KATNIP: variants seen among roughly 807,000 people sequenced by gnomAD.
KATNIP encodes katanin interacting protein.
A neutral mutation model predicts 174.0 loss-of-function variants in KATNIP; 126 were observed. That is an observed-to-expected ratio of 0.72 (90% confidence interval 0.63 to 0.84). The LOEUF (loss-of-function observed/expected upper bound fraction) is 0.84. Among genes scored for constraint, KATNIP ranks in the 40% least tolerant of loss-of-function variants. The pLI, the probability that KATNIP is intolerant of heterozygous loss-of-function variation, is 0.00. For synonymous variants in KATNIP, 810 were observed against 835.7 expected (o/e 0.97, Z 0.53); for missense variants, 1,958 against 2,109.7 (o/e 0.93, Z 1.41).
chr16:27,715,152 A>G (rs2079872995), intron 13 of KATNIP, among the ~76,000 whole-genome samples: 1 of 152,262 alleles, frequency 6.6e-6, no homozygotes, highest in Non-Finnish European at 1.5e-5. Context: ...TTTATAGTCA[A>G]TTGATTCCAA....
chr16:27,584,274 G>A (rs1021816737), intron 2 of KATNIP, among the ~76,000 whole-genome samples: 3 of 151,866 alleles, frequency 2.0e-5, no homozygotes, highest in Admixed American at 6.6e-5. Flanking sequence ...CTTCAGCCAC[G>A]GCCCCAGATA....
At chr16:27,730,736 C>A (rs140372415) in intron 14 of KATNIP, among the ~76,000 whole-genome samples, 1 of 152,242 alleles carries the variant, frequency 6.6e-6, no homozygotes, top group Admixed American at 6.5e-5. Flanking sequence ...TGACACCCTT[C>A]CTGGCATCAA....
chr16:27,647,977 A>T (rs2077007227), intron 5 of KATNIP, among the ~76,000 whole-genome samples: 1 of 152,072 alleles, frequency 6.6e-6, no homozygotes, highest in South Asian at 2.1e-4. Context: ...GAAGTTTAGC[A>T]CCTACTAGAA....
chr16:27,691,850 C>T (rs935683916), intron 8 of KATNIP, among the ~76,000 whole-genome samples: 2 of 152,204 alleles, frequency 1.3e-5, no homozygotes, highest in African/African-American at 4.8e-5. Flanking sequence ...AAACTGGTCT[C>T]TACTGGAGAA....
At chr16:27,682,916 C>T (rs1409486476) in intron 8 of KATNIP, among the ~76,000 whole-genome samples, 1 of 152,120 alleles carries the variant, frequency 6.6e-6, no homozygotes, top group Admixed American at 6.6e-5. Context: ...CCTGAGCTAG[C>T]ACACTCATCC....
At chr16:27,706,488 T>C (rs1235066958) in intron 12 of KATNIP, among the ~76,000 whole-genome samples, 1 of 152,038 alleles carries the variant, frequency 6.6e-6, no homozygotes, top group Non-Finnish European at 1.5e-5. Context: ...AATCAAGTGG[T>C]CTCAGCAAGA....
chr16:27,687,274 A>G (rs965441038), intron 8 of KATNIP: 4 of 151,804 alleles, frequency 2.6e-5, no homozygotes, highest in Non-Finnish European at 4.4e-5. Context: ...AGCCCTGTTC[A>G]TTCTCCATGC....
rs1266112283 is a variant in KATNIP at position 27,588,578 on chromosome 16, C to T, written c.63+14622C>T. 4.6e-5 allele frequency among the ~76,000 whole-genome samples: 7 copies of T among 152,010 alleles called. No homozygotes were observed. The East Asian group carries it at 1.4e-3, about 30-fold the overall frequency. On this transcript the variant is annotated intron_variant, in intron 2 of 27. Coordinates refer to ENST00000261588, the MANE Select transcript of KATNIP (RefSeq NM_015202.5). ...GTAGCCTCAAACTCCTGGGCTCAAG[C>T]AATCCTGCCTCAGCCTCCCAAGTAG...
chr16:27,737,251 C>CGTGT (rs918181570), intron 14 of KATNIP, among the ~76,000 whole-genome samples: 1 of 152,046 alleles, frequency 6.6e-6, no homozygotes, highest in Non-Finnish European at 1.5e-5. Context: ...GTCGTGGTGA[C>CGTGT]GTGTACCTGT....
At chr16:27,718,996 C>T (rs531684004) in intron 13 of KATNIP, among the ~76,000 whole-genome samples, 5 of 152,280 alleles carry the variant, frequency 3.3e-5, no homozygotes, top group African/African-American at 9.6e-5. Context: ...GTAGCAGGCA[C>T]GTTCCTGGTG....
At chr16:27,614,658 A>C (rs1003034988) in intron 2 of KATNIP, among the ~76,000 whole-genome samples, 1 of 151,970 alleles carries the variant, frequency 6.6e-6, no homozygotes, top group Admixed American at 6.6e-5. Context: ...ACCCTTTCTT[A>C]TTATTACTTA....
chr16:27,661,029 T>C (rs1300746947), intron 6 of KATNIP, among the ~76,000 whole-genome samples: 1 of 152,196 alleles, frequency 6.6e-6, no homozygotes, highest in Non-Finnish European at 1.5e-5. Context: ...TTAGGCACCC[T>C]GACCAGCCCA....
chr16:27,679,556 G>A (rs931243419), intron 7 of KATNIP, among the ~76,000 whole-genome samples: 9 of 152,012 alleles, frequency 5.9e-5, no homozygotes, highest in African/African-American at 2.2e-4. Flanking sequence ...AGATCAGCCT[G>A]GGAAACATGG....
intron 2 of KATNIP, among the ~76,000 whole-genome samples, chr16:27,616,808 G>C (rs572327813): frequency 1.5e-4 from 20 of 136,766 alleles, no homozygotes; most frequent in Non-Finnish European, 2.4e-4. Context: ...CCAGCACTTT[G>C]AGAGGCCAAG....
chr16:27,599,010 A>G (rs2075427926), intron 2 of KATNIP, among the ~76,000 whole-genome samples: 1 of 152,108 alleles, frequency 6.6e-6, no homozygotes, highest in Non-Finnish European at 1.5e-5. Context: ...TCTTCCTGGG[A>G]AGGGATACAA....
chr16:27,600,437 C>T (rs2075478703), intron 2 of KATNIP, among the ~76,000 whole-genome samples: 1 of 152,162 alleles, frequency 6.6e-6, no homozygotes. Flanking sequence ...ACAGGCTTTG[C>T]CCTTAAGCAT....
At chr16:27,775,138 A>G (rs1472791954) in intron 24 of KATNIP, 54 bp downstream of exon 24, 4 of 1,576,208 alleles carry the variant, frequency 2.5e-6, no homozygotes, top group East Asian at 2.3e-5. Context: ...GGGCAGGGGG[A>G]CTTTCTTTCC....
intron 8 of KATNIP, among the ~76,000 whole-genome samples, chr16:27,690,108 G>C (rs2078662552): frequency 6.6e-6 from 1 of 152,012 alleles, no homozygotes; most frequent in Non-Finnish European, 1.5e-5. Context: ...TTCAAGACCA[G>C]CCTGGGCAAC....
chr16:27,695,640 C>A (rs1265108499), intron 8 of KATNIP, among the ~76,000 whole-genome samples: 6 of 152,216 alleles, frequency 3.9e-5, no homozygotes, highest in Non-Finnish European at 8.8e-5. Context: ...GACTTGGTAT[C>A]TCTGGTCACT....
Sources: gnomAD v4.1 joint callset for allele counts (sites outside exome capture counted in the v4.1 genomes callset) on GRCh38, gnomAD v4.1.1 for gene constraint, MANE v1.5 for transcripts, NCBI Gene and HGNC (gene_info 2026-07-23, HGNC 2026-07-21) for gene names.